The following DRC11 variants were observed in gnomAD, a reference collection of about 807,000 sequenced individuals.
The protein encoded by DRC11 is dynein regulatory complex subunit 11.
the DRC11 span, among the ~76,000 whole-genome samples, chr2:236,442,347 G>C: frequency 2.0e-5 from 3 of 152,190 alleles, no homozygotes; most frequent in Admixed American, 6.5e-5. Context: ...TCAGTCTGTG[G>C]AAATCTTTTG....
the DRC11 span, among the ~76,000 whole-genome samples, chr2:236,376,667 T>A: frequency 2.6e-5 from 4 of 152,222 alleles, no homozygotes; most frequent in African/African-American, 9.6e-5. This position sits in a 1 kb window ranked among gnomAD's most constrained non-coding sequence, Gnocchi z 5.7. Context: ...CCCCACCTCA[T>A]TCCTCCCCAA....
chr2:236,460,788 T>G, the DRC11 span, among the ~76,000 whole-genome samples: 1 of 152,202 alleles, frequency 6.6e-6, no homozygotes, highest in Non-Finnish European at 1.5e-5. The surrounding 1 kb of genome is among the most constrained non-coding windows in gnomAD (Gnocchi z 4.0). Context: ...AGAGTCTCGC[T>G]CTGTCTTCCA....
At chr2:236,496,535 G>A in the DRC11 span, among the ~76,000 whole-genome samples, 1 of 152,194 alleles carries the variant, frequency 6.6e-6, no homozygotes, top group African/African-American at 2.4e-5. This position sits in a 1 kb window ranked among gnomAD's most constrained non-coding sequence, Gnocchi z 6.3. Flanking sequence ...ACGTCGGAGG[G>A]CAGCAGCAGG....
the DRC11 span, among the ~76,000 whole-genome samples, chr2:236,459,624 C>CATACGTAT: frequency 5.3e-4 from 44 of 82,650 alleles, 4 homozygotes; most frequent in South Asian, 7.4e-3. Flanking sequence ...TAAGTATATA[C>CATACGTAT]ATACGTATAT....
the DRC11 span, among the ~76,000 whole-genome samples, chr2:236,485,858 T>G: frequency 2.6e-5 from 4 of 152,154 alleles, no homozygotes; most frequent in South Asian, 8.3e-4. Context: ...TCAGAGGCCA[T>G]GCACTCGATG....
chr2:236,402,547 G>T, the DRC11 span, among the ~76,000 whole-genome samples: 12 of 152,142 alleles, frequency 7.9e-5, no homozygotes, highest in Admixed American at 3.9e-4. The surrounding 1 kb of genome is among the most constrained non-coding windows in gnomAD (Gnocchi z 6.0). Flanking sequence ...TTCATGGGGT[G>T]GGGGGGCATG....
the DRC11 span, among the ~76,000 whole-genome samples, chr2:236,313,360 C>T: frequency 4.5e-4 from 68 of 152,154 alleles, 1 homozygote; most frequent in Non-Finnish European, 8.2e-4. This position sits in a 1 kb window ranked among gnomAD's most constrained non-coding sequence, Gnocchi z 4.5. Flanking sequence ...CATTATCAAT[C>T]AATCAATTAT....
chr2:236,491,221 ATATATATATATATATATATACACAG>A, the DRC11 span, among the ~76,000 whole-genome samples: 32 of 48,128 alleles, frequency 6.6e-4, no homozygotes, highest in South Asian at 2.3e-3. Flanking sequence ...TACACACAGT[ATATATATATATATATATATACACAG>A]TATATATATA....
the DRC11 span, among the ~76,000 whole-genome samples, chr2:236,306,902 C>T: frequency 6.6e-6 from 1 of 152,180 alleles, no homozygotes; most frequent in Non-Finnish European, 1.5e-5. This position sits in a 1 kb window ranked among gnomAD's most constrained non-coding sequence, Gnocchi z 5.9. Flanking sequence ...TGTAAATTAT[C>T]ACAGAGGCTA....
the DRC11 span, chr2:236,368,486 C>A: frequency 3.5e-6 from 2 of 566,074 alleles, no homozygotes; most frequent in East Asian, 3.0e-5. Context: ...GAAAAGCTAT[C>A]CAGGCAAGAA....
the DRC11 span, chr2:236,391,194 A>G: frequency 6.6e-6 from 1 of 152,358 alleles, no homozygotes; most frequent in East Asian, 1.9e-4. This position sits in a 1 kb window ranked among gnomAD's most constrained non-coding sequence, Gnocchi z 4.5. Context: ...AAACCATAAT[A>G]TCAACACAAA....
chr2:236,407,466 C>T, the DRC11 span, among the ~76,000 whole-genome samples: 1 of 152,140 alleles, frequency 6.6e-6, no homozygotes, highest in Non-Finnish European at 1.5e-5. Context: ...CCTGGGGCCC[C>T]CTCTTGTAGA....
the DRC11 span, among the ~76,000 whole-genome samples, chr2:236,345,207 C>T: frequency 6.6e-6 from 1 of 151,978 alleles, no homozygotes; most frequent in Admixed American, 6.6e-5. Context: ...CAGGTGTGCA[C>T]CTGCTCTCCC....
At chr2:236,488,105 A>T in the DRC11 span, 1 of 1,610,784 alleles carries the variant, frequency 6.2e-7, no homozygotes, top group Non-Finnish European at 8.5e-7. Flanking sequence ...TCATGAATAA[A>T]GCCCTTAGGC....
chr2:236,408,295 G>T, the DRC11 span: 1,364 of 819,276 alleles, frequency 1.7e-3, 12 homozygotes, highest in African/African-American at 0.02. The surrounding 1 kb of genome is among the most constrained non-coding windows in gnomAD (Gnocchi z 5.5). Flanking sequence ...GGCCACACAG[G>T]CAGGATGCCA....
the DRC11 span, among the ~76,000 whole-genome samples, chr2:236,400,421 C>A: frequency 4.6e-5 from 7 of 152,228 alleles, no homozygotes; most frequent in Non-Finnish European, 1.0e-4. The surrounding 1 kb of genome is among the most constrained non-coding windows in gnomAD (Gnocchi z 7.9). Context: ...CACAACACCC[C>A]CTCTGCCCCT....
the DRC11 span, chr2:236,343,585 G>T: frequency 1.8e-6 from 1 of 563,596 alleles, no homozygotes; most frequent in Non-Finnish European, 3.1e-6. The surrounding 1 kb of genome is among the most constrained non-coding windows in gnomAD (Gnocchi z 6.6). Flanking sequence ...CCATGAATGA[G>T]CCAGGTTTCT....
the DRC11 span, among the ~76,000 whole-genome samples, chr2:236,449,264 G>A: frequency 6.6e-6 from 1 of 152,174 alleles, no homozygotes; most frequent in Non-Finnish European, 1.5e-5. This position sits in a 1 kb window ranked among gnomAD's most constrained non-coding sequence, Gnocchi z 5.1. Context: ...GAGAGAACTG[G>A]GAACTCTGAG....
At chr2:236,331,525 T>C in the DRC11 span, 2 of 1,614,018 alleles carry the variant, frequency 1.2e-6, no homozygotes, top group Non-Finnish European at 1.7e-6. This position sits in a 1 kb window ranked among gnomAD's most constrained non-coding sequence, Gnocchi z 4.8. Context: ...GTCAGTGACC[T>C]TCGCCAGGCA....
Sources: allele counts gnomAD v4.1 joint callset (sites outside exome capture counted in the v4.1 genomes callset), GRCh38; gene constraint gnomAD v4.1.1; non-coding constraint Gnocchi (gnomAD v3.1); transcripts MANE v1.5; gene names NCBI Gene and HGNC (gene_info 2026-07-23, HGNC 2026-07-21).